PCDHGB5: variants seen among roughly 807,000 people sequenced by gnomAD.
PCDHGB5 encodes the protein protocadherin gamma-B5.
PCDHGB5 carries 48 observed loss-of-function variants against 62.9 expected under a neutral mutation model. That is an observed-to-expected ratio of 0.76 (90% confidence interval 0.61 to 0.97). The LOEUF is 0.97. Among genes scored for constraint, PCDHGB5 ranks in the 50% least tolerant of loss-of-function variants. PCDHGB5 has a pLI of 0.00. For missense variants in PCDHGB5, 1,118 were observed against 1,198.6 expected, an observed-to-expected ratio of 0.93 and a Z score of 0.99; for synonymous variants, 474 against 511.2, an observed-to-expected ratio of 0.93 and a Z score of 0.98.
chr5:141,485,641 G>T lies in PCDHGB5; in HGVS notation c.2398-9166G>T. The T allele has an allele frequency of 6.2e-7, 1 of 1,612,012 alleles. No individual in the cohort carries two copies. Among genetic ancestry groups the T allele is most frequent in the Non-Finnish European group, 8.5e-7 (1 of 1,178,470 alleles). On this transcript the variant is annotated intron_variant, in intron 1 of 3. Transcript: ENST00000617380. The surrounding 1 kb of genome is among the most constrained non-coding windows in gnomAD (Gnocchi z 5.7). Reference sequence around the variant, plus strand: ...CAGGACAGCGTTTCCCGTTGGAAAAGGCTCAGGATGCAGATGTGGGGAGCA... The same window carrying T: ...CAGGACAGCGTTTCCCGTTGGAAAATGCTCAGGATGCAGATGTGGGGAGCA...
At chr5:141,413,956 G>C in intron 1 of PCDHGB5, 11 of 1,613,484 alleles carry the variant, frequency 6.8e-6, no homozygotes, top group Non-Finnish European at 9.3e-6. Context: ...GAATTTGCCT[G>C]TGGGCACTCA....
intron 3 of PCDHGB5, among the ~76,000 whole-genome samples, chr5:141,510,329 A>T (rs1433056614): frequency 2.7e-5 from 4 of 150,230 alleles, no homozygotes; most frequent in Admixed American, 2.7e-4. Flanking sequence ...AGCACTCTTC[A>T]CCCCCACCCC....
In PCDHGB5 at chr5:141,489,594, TGTAGAG is replaced by T. The variant is rs1298302866; in HGVS notation, c.2398-5206_2398-5201del. 1 of 1,613,958 alleles carries T rather than the reference TGTAGAG, an allele frequency of 6.2e-7. No homozygotes were observed. The highest frequency in any genetic ancestry group is 1.3e-5 in the African/African-American group (1 of 74,906). ...CTGAACACCCCCTGGAGCTAATCCG[TGTAGAG>T]GTAGAGATCCTGGATCTCAATGACA... On this transcript the variant is annotated intron_variant, in intron 1 of 3. Coordinates refer to ENST00000617380, the MANE Select transcript of PCDHGB5 (RefSeq NM_018925.3). The surrounding 1 kb of genome is among the most constrained non-coding windows in gnomAD (Gnocchi z 4.5).
At chr5:141,418,233 A>T in intron 1 of PCDHGB5, 1 of 1,614,048 alleles carries the variant, frequency 6.2e-7, no homozygotes, top group Non-Finnish European at 8.5e-7. Flanking sequence ...GTGATTGAGG[A>T]TGTTAATGAC....
At position 141,485,704 on chromosome 5, in the gene PCDHGB5, CTT is replaced by C; in HGVS notation, c.2398-9101_2398-9100del. On this transcript the variant is annotated intron_variant, in intron 1 of 3. Coordinates refer to ENST00000617380, the MANE Select transcript of PCDHGB5 (RefSeq NM_018925.3). The surrounding 1 kb of genome is among the most constrained non-coding windows in gnomAD (Gnocchi z 5.7). ...GCTATAGGCTGAGCTCCAATGAACA[CTT>C]TGCACTGGATGTGAAGAAGCGCAGC... is the stretch of plus-strand genomic sequence containing the variant. 6.2e-7 allele frequency: 1 copy of C among 1,614,180 alleles called. No homozygotes were observed. The highest frequency in any genetic ancestry group is 8.5e-7 in the Non-Finnish European group (1 of 1,180,032).
At chr5:141,444,692 T>G (rs531452351) in intron 1 of PCDHGB5, among the ~76,000 whole-genome samples, 1 of 152,360 alleles carries the variant, frequency 6.6e-6, no homozygotes, top group South Asian at 2.1e-4. Context: ...TTAAAAATAT[T>G]TTCCTCTTTC....
At chr5:141,402,826 G>A (rs776479870) in intron 1 of PCDHGB5, 37 of 1,328,842 alleles carry the variant, frequency 2.8e-5, no homozygotes, top group Middle Eastern at 2.7e-4. Flanking sequence ...CCTGCTCCCA[G>A]GCTGCAGCAA....
intron 1 of PCDHGB5, among the ~76,000 whole-genome samples, chr5:141,450,363 T>C (rs2098678373): frequency 6.6e-6 from 1 of 152,162 alleles, no homozygotes; most frequent in Admixed American, 6.5e-5. Flanking sequence ...TTCCTCAGCC[T>C]TGTTTGTTTA....
At chr5:141,426,810 C>T (rs769435523) in intron 1 of PCDHGB5, 4 of 456,568 alleles carry the variant, frequency 8.8e-6, no homozygotes, top group Non-Finnish European at 1.8e-5. Flanking sequence ...TTCTAATGAA[C>T]ATTTCTCTCT....
chr5:141,400,473 G>T lies in PCDHGB5; in HGVS notation c.2346G>T (p.Gly782=), dbSNP rs1196529035. ...ACATACTTTGTGGTGATTCATCTGGGGCCTTATTTCCACTTTGTAATTCCA... is the reference window on the plus strand; with the variant it reads ...ACATACTTTGTGGTGATTCATCTGGTGCCTTATTTCCACTTTGTAATTCCA... ...GQDILCGDSS[G]ALFPLCNSSE... is the part of the protein sequence containing the mutation. Residue 782 remains glycine (G), a synonymous_variant, in exon 1 of 4, where the codon GGG becomes GGT. Coordinates refer to ENST00000617380, the MANE Select transcript of PCDHGB5 (RefSeq NM_018925.3). 1 of 1,613,946 alleles carries T rather than the reference G, an allele frequency of 6.2e-7. No individual in the cohort carries two copies. Among genetic ancestry groups the T allele is most frequent in the Non-Finnish European group, 8.5e-7 (1 of 1,179,864 alleles).
At chr5:141,402,491 A>T (rs1186098298) in intron 1 of PCDHGB5, among the ~76,000 whole-genome samples, 1 of 152,242 alleles carries the variant, frequency 6.6e-6, no homozygotes, top group Non-Finnish European at 1.5e-5. Flanking sequence ...TCTACCAAGA[A>T]TAAGAATAAA....
rs756658304 is a variant in PCDHGB5, at chr5:141,485,531, G to C, written c.2398-9276G>C. 6.8e-6 allele frequency: 11 copies of C among 1,614,218 alleles called. No homozygotes were observed. In the Admixed American group the frequency reaches 1.5e-4, roughly 22 times the overall value. On this transcript the variant is annotated intron_variant, in intron 1 of 3. Transcript: ENST00000617380. This position sits in a 1 kb window ranked among gnomAD's most constrained non-coding sequence, Gnocchi z 5.7. ...AGGTCCTTTGGAAATGTACCGAGCA[G>C]AGGTAGAGATCGTAGATGTGAATGA... is the stretch of plus-strand genomic sequence containing the variant.
intron 1 of PCDHGB5, among the ~76,000 whole-genome samples, chr5:141,435,732 C>T (rs2097777160): frequency 6.6e-6 from 1 of 152,150 alleles, no homozygotes; most frequent in South Asian, 2.1e-4. Flanking sequence ...AAGTGTATTA[C>T]TCTTTGAAAA....
At chr5:141,480,781 G>A (rs2099525581) in intron 1 of PCDHGB5, among the ~76,000 whole-genome samples, 1 of 152,174 alleles carries the variant, frequency 6.6e-6, no homozygotes, top group Admixed American at 6.5e-5. Flanking sequence ...CTAATGTGCA[G>A]ACAAATTTGA....
Position 141,399,663 on chromosome 5 carries a change from G to A in PCDHGB5, c.1536G>A (p.Ala512=). Residue 512 remains alanine, a synonymous_variant, in exon 1 of 4, where the codon GCG becomes GCA. Transcript: ENST00000617380. ...GCGCGCAAAGTGGGGTGGTGTTCGC[G>A]CAGCGCGCCTTTGACTACGAGCAGC... The part of the protein sequence containing the change: ...SMSAQSGVVF[A]QRAFDYEQLR... The A allele has an allele frequency of 6.2e-7, 1 of 1,613,624 alleles. No individual in the cohort carries two copies. The highest frequency in any genetic ancestry group is 8.5e-7 in the Non-Finnish European group (1 of 1,179,874).
At chr5:141,470,132 A>G (rs1411735203) in intron 1 of PCDHGB5, among the ~76,000 whole-genome samples, 1 of 151,586 alleles carries the variant, frequency 6.6e-6, no homozygotes, top group East Asian at 1.9e-4. Context: ...TCGTCTCAAA[A>G]AAAAAGATCA....
intron 1 of PCDHGB5, among the ~76,000 whole-genome samples, chr5:141,468,131 C>A (rs1006565854): frequency 1.3e-5 from 2 of 151,650 alleles, no homozygotes; most frequent in South Asian, 4.2e-4. Context: ...TTGAGACCAG[C>A]CTGGCCAACA....
rs2099413746 is a variant in PCDHGB5, at chr5:141,477,589, G to A, written c.2398-17218G>A. ...ACCCCGACGCCCCGCAGAATGCTCGGCTTTCTTTCTTTCTCTTGGAGCAAG... is the reference window on the plus strand; with the variant it reads ...ACCCCGACGCCCCGCAGAATGCTCGACTTTCTTTCTTTCTCTTGGAGCAAG... On this transcript the variant is annotated intron_variant, in intron 1 of 3. Transcript: ENST00000617380. The surrounding 1 kb of genome is among the most constrained non-coding windows in gnomAD (Gnocchi z 4.9). 1 of 1,614,012 alleles carries A rather than the reference G, an allele frequency of 6.2e-7. No individual in the cohort carries two copies. The highest frequency in any genetic ancestry group is 1.1e-5 in the South Asian group (1 of 91,090).
chr5:141,466,148 G>A (rs1201643685), intron 1 of PCDHGB5, among the ~76,000 whole-genome samples: 1 of 151,814 alleles, frequency 6.6e-6, no homozygotes, highest in Non-Finnish European at 1.5e-5. Flanking sequence ...GAAAACTCTG[G>A]TCTTAAACTG....
Sources: gnomAD v4.1 joint callset for allele counts (sites outside exome capture counted in the v4.1 genomes callset) on GRCh38, gnomAD v4.1.1 for gene constraint, Gnocchi (gnomAD v3.1) non-coding constraint, MANE v1.5 for transcripts, NCBI Gene and HGNC (gene_info 2026-07-23, HGNC 2026-07-21) for gene names.